PCDHGA5: variants seen among roughly 807,000 people sequenced by gnomAD.
The protein encoded by PCDHGA5 is protocadherin gamma-A5.
A neutral mutation model predicts 56.7 loss-of-function variants in PCDHGA5; 36 were observed. The observed-to-expected ratio is 0.64, with a 90% CI of 0.49 to 0.84. The LOEUF (loss-of-function observed/expected upper bound fraction) is 0.84. Among genes scored for constraint, PCDHGA5 ranks in the 40% least tolerant of loss-of-function variants. The pLI, the probability that PCDHGA5 is intolerant of heterozygous loss-of-function variation, is 0.00. For missense variants in PCDHGA5, 1,305 were observed against 1,201.5 expected, an observed-to-expected ratio of 1.09 and a Z score of -1.27; for synonymous variants, 563 against 520.2, an observed-to-expected ratio of 1.08 and a Z score of -1.12.
intron 1 of PCDHGA5, among the ~76,000 whole-genome samples, chr5:141,430,213 A>G (rs892801149): frequency 6.6e-6 from 1 of 151,106 alleles, no homozygotes; most frequent in Non-Finnish European, 1.5e-5. Context: ...AAATTATTAT[A>G]TTATATGATT....
At position 141,477,284 on chromosome 5, in the gene PCDHGA5, G is replaced by A. The variant is rs751714522; in HGVS notation, c.2422-17523G>A. 5.0e-6 allele frequency: 8 copies of A among 1,614,150 alleles called. No homozygotes were observed. The South Asian group carries it at 6.6e-5, about 13-fold the overall frequency. ...TGGCGAGAACGGGCTGGTGACCTGC[G>A]AAGTTCCACCGGGTCTCCCTTTCAG... On this transcript the variant is annotated intron_variant, in intron 1 of 3. Transcript: ENST00000518069. This position sits in a 1 kb window ranked among gnomAD's most constrained non-coding sequence, Gnocchi z 4.9.
intron 1 of PCDHGA5, chr5:141,383,980 C>T: frequency 6.2e-7 from 1 of 1,613,696 alleles, no homozygotes; most frequent in Admixed American, 1.7e-5. Context: ...TGAAGACACA[C>T]CTCTTGGGAC....
intron 1 of PCDHGA5, among the ~76,000 whole-genome samples, chr5:141,448,632 T>G (rs1383720361): frequency 1.3e-5 from 2 of 152,106 alleles, no homozygotes; most frequent in Admixed American, 1.3e-4. Context: ...TTCTTCACAT[T>G]ATATCCTTTA....
intron 1 of PCDHGA5, chr5:141,399,835 C>T (rs756646382): frequency 1.2e-6 from 2 of 1,613,164 alleles, no homozygotes; most frequent in South Asian, 2.2e-5. Flanking sequence ...CGGCTCTGCG[C>T]TCTTCGATAT....
At chr5:141,370,773 A>G in intron 1 of PCDHGA5, 2 of 1,614,002 alleles carry the variant, frequency 1.2e-6, no homozygotes, top group Non-Finnish European at 1.7e-6. Flanking sequence ...CCAGGATATT[A>G]ACGACAACCC....
chr5:141,403,969 T>G (rs1437416293), intron 1 of PCDHGA5: 1 of 1,613,690 alleles, frequency 6.2e-7, no homozygotes, highest in African/African-American at 1.3e-5. Context: ...CGGTGGAAGA[T>G]GTAAATGACA....
In PCDHGA5 at chr5:141,420,274, GGTAA is replaced by G. The variant is rs1362175190; in HGVS notation, c.2421+53527_2421+53530del. 5.9e-6 allele frequency: 9 copies of G among 1,525,426 alleles called. 1 individual carries two copies. The highest frequency in any genetic ancestry group is 2.1e-5 in the Admixed American group (1 of 48,284). 94.5% of individuals were successfully genotyped at this position (1,525,426 alleles called of 1,614,324 possible). On this transcript the variant is annotated intron_variant, in intron 1 of 3. Coordinates refer to ENST00000518069, the MANE Select transcript of PCDHGA5 (RefSeq NM_018918.3). ...AAGCAGATAAGAAGATTCTTAAACAGGTAAGTATTTAAAAATGTATTTAATCCTT... is the reference window on the plus strand; with the variant it reads ...AAGCAGATAAGAAGATTCTTAAACAGGTATTTAAAAATGTATTTAATCCTT...
Position 141,491,858 on chromosome 5 carries a change from A to G in PCDHGA5, c.2422-2949A>G, listed in dbSNP as rs17208425. 297,575 of 1,456,446 alleles carry G rather than the reference A, an allele frequency of 0.2. 31,644 individuals are homozygous for G. The highest frequency in any genetic ancestry group is 0.33 in the Admixed American group (11,758 of 35,494). 90.2% of individuals were successfully genotyped at this position (1,456,446 alleles called of 1,614,324 possible). On this transcript the variant is annotated intron_variant, in intron 1 of 3. Transcript: ENST00000518069. This position sits in a 1 kb window ranked among gnomAD's most constrained non-coding sequence, Gnocchi z 6.9. ...TCGGGATCATTGGACCGTTTGCGCG[A>G]AACCAGAGTGGCCGATTAAGGGATG... is the stretch of plus-strand genomic sequence containing the variant.
At chr5:141,369,725 G>A (rs540933138) in intron 1 of PCDHGA5, among the ~76,000 whole-genome samples, 2 of 152,288 alleles carry the variant, frequency 1.3e-5, no homozygotes, top group African/African-American at 4.8e-5. Flanking sequence ...TTAGAAGTTA[G>A]AAGTAAAGGA....
At chr5:141,495,419 C>A (rs1434107823) in intron 2 of PCDHGA5, among the ~76,000 whole-genome samples, 1 of 152,228 alleles carries the variant, frequency 6.6e-6, no homozygotes, top group Non-Finnish European at 1.5e-5. Context: ...CCGGCCCCTC[C>A]TCCCACTGTC....
At position 141,477,262 on chromosome 5, in the gene PCDHGA5, C is replaced by G; in HGVS notation, c.2422-17545C>G. On this transcript the variant is annotated intron_variant, in intron 1 of 3. Coordinates refer to ENST00000518069, the MANE Select transcript of PCDHGA5 (RefSeq NM_018918.3). The surrounding 1 kb of genome is among the most constrained non-coding windows in gnomAD (Gnocchi z 4.9). ...TCAGTGTGACTGACCTGGATGCTGG[C>G]GAGAACGGGCTGGTGACCTGCGAAG... The G allele has an allele frequency of 6.2e-7, 1 of 1,614,138 alleles. No homozygotes were observed.
intron 1 of PCDHGA5, chr5:141,409,189 C>T (rs1216028242): frequency 6.2e-7 from 1 of 1,613,918 alleles, no homozygotes; most frequent in Admixed American, 1.7e-5. Flanking sequence ...GTCTCTCTAC[C>T]CAGTGTAAAG....
intron 1 of PCDHGA5, chr5:141,400,753 T>C: frequency 1.7e-6 from 1 of 597,232 alleles, no homozygotes; most frequent in Non-Finnish European, 2.9e-6. Flanking sequence ...CTTAGCTTCC[T>C]CTCTAGCAAA....
intron 1 of PCDHGA5, chr5:141,389,284 C>G (rs1227474648): frequency 1.1e-5 from 17 of 1,613,930 alleles, no homozygotes; most frequent in Admixed American, 1.7e-5. Flanking sequence ...CCGCCTGGAG[C>G]CTCTATTTCA....
In PCDHGA5 at chr5:141,477,813, A is replaced by T; in HGVS notation, c.2422-16994A>T. ...ACTGATCGCAATGACAATGCCCCCC[A>T]GGTCCTATATCCTCGGCCAGGTGGG... On this transcript the variant is annotated intron_variant, in intron 1 of 3. Coordinates refer to ENST00000518069, the MANE Select transcript of PCDHGA5 (RefSeq NM_018918.3). The surrounding 1 kb of genome is among the most constrained non-coding windows in gnomAD (Gnocchi z 4.9). The T allele has an allele frequency of 6.2e-7, 1 of 1,614,122 alleles. No homozygotes were observed. The highest frequency in any genetic ancestry group is 1.1e-5 in the South Asian group (1 of 91,084).
intron 1 of PCDHGA5, chr5:141,389,727 T>C (rs1176419914): frequency 4.3e-6 from 7 of 1,612,724 alleles, no homozygotes; most frequent in Non-Finnish European, 5.9e-6. Context: ...GCCCGGGCTC[T>C]TCAGCCTGGG....
intron 1 of PCDHGA5, among the ~76,000 whole-genome samples, chr5:141,471,913 G>A (rs1307168228): frequency 6.6e-6 from 1 of 152,164 alleles, no homozygotes. Context: ...CAAGCATGAG[G>A]GAAATTTTGG....
intron 1 of PCDHGA5, among the ~76,000 whole-genome samples, chr5:141,406,485 G>T (rs2094815755): frequency 6.6e-6 from 1 of 152,142 alleles, no homozygotes; most frequent in Non-Finnish European, 1.5e-5. Flanking sequence ...ATATTTTTCA[G>T]ATCACAAGTG....
At chr5:141,498,971 GGGAAGGAA>G (rs201769957) in intron 2 of PCDHGA5, among the ~76,000 whole-genome samples, 18,877 of 110,786 alleles carry the variant, frequency 0.17, 1,784 homozygotes, top group Admixed American at 0.31. Context: ...GAGGGAGGGA[GGGAAGGAA>G]GGAAGGAAGG....
Sources: allele counts gnomAD v4.1 joint callset (sites outside exome capture counted in the v4.1 genomes callset), GRCh38; gene constraint gnomAD v4.1.1; non-coding constraint Gnocchi (gnomAD v3.1); transcripts MANE v1.5; gene names NCBI Gene and HGNC (gene_info 2026-07-23, HGNC 2026-07-21).